The following ARHGEF38 variants were observed in gnomAD, a reference collection of about 807,000 sequenced individuals.
ARHGEF38 encodes the protein Rho guanine nucleotide exchange factor (GEF) 38.
A neutral mutation model predicts 79.9 loss-of-function variants in ARHGEF38; 79 were observed. That is an observed-to-expected ratio of 0.99 (90% confidence interval 0.82 to 1.19). The LOEUF (loss-of-function observed/expected upper bound fraction) is 1.19, where lower values mean the gene tolerates loss of function less well. Among genes scored for constraint, ARHGEF38 ranks in the 50% most tolerant of loss-of-function variants. The probability of loss-of-function intolerance (pLI) is 0.00; values close to 1 mark genes in which losing one functional copy is unlikely to be tolerated. For missense variants in ARHGEF38, 962 were observed against 907.2 expected, an observed-to-expected ratio of 1.06 and a Z score of -0.78; for synonymous variants, 366 against 328.3, an observed-to-expected ratio of 1.11 and a Z score of -1.24.
At chr4:105,597,376 G>C (rs938301405) in intron 2 of ARHGEF38, among the ~76,000 whole-genome samples, 3 of 152,168 alleles carry the variant, frequency 2.0e-5, no homozygotes, top group Admixed American at 6.5e-5. Context: ...GTTTTCTCCA[G>C]CTGTCACCTT....
chr4:105,579,894 T>C (rs530947913), intron 1 of ARHGEF38, among the ~76,000 whole-genome samples: 1 of 152,312 alleles, frequency 6.6e-6, no homozygotes, highest in African/African-American at 2.4e-5. Context: ...TATTTACTAC[T>C]TACTCAGTTT....
intron 5 of ARHGEF38, among the ~76,000 whole-genome samples, chr4:105,637,252 G>A (rs1729435437): frequency 6.6e-6 from 1 of 152,024 alleles, no homozygotes; most frequent in African/African-American, 2.4e-5. Context: ...TTCATATTTT[G>A]GTGCAGAGCA....
intron 9 of ARHGEF38, among the ~76,000 whole-genome samples, chr4:105,657,386 T>C (rs1426070884): frequency 6.6e-6 from 1 of 152,150 alleles, no homozygotes; most frequent in African/African-American, 2.4e-5. Context: ...TAAAAGTAAC[T>C]TTTATGGATA....
intron 2 of ARHGEF38, among the ~76,000 whole-genome samples, chr4:105,603,610 G>C (rs764886349): frequency 6.6e-6 from 1 of 152,006 alleles, no homozygotes; most frequent in Non-Finnish European, 1.5e-5. Context: ...ACTCTTTCCT[G>C]AGCCCCGAGG....
At chr4:105,645,919 A>C (rs1315384079) in intron 6 of ARHGEF38, among the ~76,000 whole-genome samples, 3 of 152,214 alleles carry the variant, frequency 2.0e-5, no homozygotes, top group African/African-American at 7.2e-5. Context: ...ATTGTTAACT[A>C]TTTGTAAGCT....
chr4:105,586,069 A>AGCT (rs1727031614), intron 1 of ARHGEF38, among the ~76,000 whole-genome samples: 1 of 152,052 alleles, frequency 6.6e-6, no homozygotes, highest in Admixed American at 6.6e-5. Context: ...GACGGGCTAT[A>AGCT]GCTGACTGCT....
At position 105,677,867 on chromosome 4, in the gene ARHGEF38, G is replaced by T. The variant is rs1444219340; in HGVS notation, c.2264G>T (p.Trp755Leu). The T allele has an allele frequency of 2.0e-6, 3 of 1,535,014 alleles. No homozygotes were observed. The South Asian group carries it at 3.6e-5, about 18-fold the overall frequency. ...FCDLSGNKEW[W>L]LAEAQGQKGY... ...GACCTAAGTGGCAATAAAGAGTGGT[G>T]GTTAGCTGAAGCTCAAGGGCAGAAA... Residue 755 changes from tryptophan to leucine, a missense_variant, in exon 14 of 14, where the codon TGG becomes TTG. Trp to Leu is a moderately conservative substitution (Grantham distance 61). Transcript: ENST00000420470.
At chr4:105,658,706 G>A (rs1233194882) in intron 9 of ARHGEF38, among the ~76,000 whole-genome samples, 2 of 152,192 alleles carry the variant, frequency 1.3e-5, no homozygotes, top group East Asian at 3.9e-4. Context: ...CTGGCTCTGG[G>A]ATGAGAAAGG....
At chr4:105,669,203 GT>G (rs1296850449) in intron 13 of ARHGEF38, among the ~76,000 whole-genome samples, 1 of 151,828 alleles carries the variant, frequency 6.6e-6, no homozygotes, top group Non-Finnish European at 1.5e-5. Flanking sequence ...GGTATATAGG[GT>G]TTTTTTCCAT....
chr4:105,608,722 G>A (rs951640772), intron 2 of ARHGEF38, among the ~76,000 whole-genome samples: 1 of 151,426 alleles, frequency 6.6e-6, no homozygotes, highest in Admixed American at 6.6e-5. Context: ...TTTATTTTAA[G>A]TTCATGGGTA....
intron 6 of ARHGEF38, 28 bp from the exon 7 acceptor site, chr4:105,648,521 G>A (rs920447796): frequency 6.1e-6 from 9 of 1,475,288 alleles, no homozygotes; most frequent in Non-Finnish European, 8.0e-6. Flanking sequence ...CATGTGTTCA[G>A]CTACGTTATT....
chr4:105,676,847 ATAT>A (rs1267174942), intron 13 of ARHGEF38, among the ~76,000 whole-genome samples: 3 of 152,178 alleles, frequency 2.0e-5, no homozygotes, highest in Non-Finnish European at 4.4e-5. Context: ...AGAAACAATA[ATAT>A]TAGACTTATA....
intron 7 of ARHGEF38, among the ~76,000 whole-genome samples, chr4:105,650,653 T>C (rs1730062569): frequency 6.6e-6 from 1 of 152,238 alleles, no homozygotes. Context: ...CTCCTCTCTC[T>C]GGGACCTGTG....
intron 10 of ARHGEF38, 101 bp downstream of exon 10, chr4:105,659,466 C>T (rs561333151): frequency 1.2e-5 from 14 of 1,140,166 alleles, no homozygotes; most frequent in East Asian, 2.6e-5. Flanking sequence ...ACATGTATGC[C>T]GTGTGGTGTG....
In ARHGEF38 at chr4:105,557,667, G is replaced by C. The variant is rs570414901; in HGVS notation, c.196+4706G>C. ...TCTCAGCCATGTCAGGATACAAGAA[G>C]GTGGCCATGTGCAAACCAGGGAGTG... On this transcript the variant is annotated intron_variant, in intron 1 of 13. Transcript: ENST00000420470. Among the ~76,000 whole-genome samples, 19 of 151,672 alleles carry C rather than the reference G, an allele frequency of 1.3e-4. No individual in the cohort carries two copies. In the East Asian group the frequency reaches 3.5e-3, roughly 28 times the overall value.
intron 1 of ARHGEF38, among the ~76,000 whole-genome samples, chr4:105,580,367 C>T (rs1578274342): frequency 6.6e-6 from 1 of 152,112 alleles, no homozygotes; most frequent in Admixed American, 6.5e-5. Context: ...TATATATTTC[C>T]CTCTTAACAC....
intron 13 of ARHGEF38, among the ~76,000 whole-genome samples, chr4:105,670,237 G>T (rs1578366703): frequency 6.6e-6 from 1 of 152,144 alleles, no homozygotes; most frequent in Non-Finnish European, 1.5e-5. Flanking sequence ...CACCATTTTA[G>T]ATTCCTACCA....
chr4:105,666,142 G>C, intron 10 of ARHGEF38, 35 bp from the exon 11 acceptor site: 1 of 1,490,418 alleles, frequency 6.7e-7, no homozygotes, highest in Non-Finnish European at 8.9e-7. Context: ...TTATCTAGGT[G>C]TCTGGAAACA....
chr4:105,603,768 C>G (rs187564397), intron 2 of ARHGEF38, among the ~76,000 whole-genome samples: 4 of 152,232 alleles, frequency 2.6e-5, no homozygotes, highest in Non-Finnish European at 5.9e-5. Context: ...TGTGGGAGTA[C>G]AGATTCATCC....
Sources: gnomAD v4.1 joint callset for allele counts (sites outside exome capture counted in the v4.1 genomes callset) on GRCh38, gnomAD v4.1.1 for gene constraint, MANE v1.5 for transcripts, NCBI Gene and HGNC (gene_info 2026-07-23, HGNC 2026-07-21) for gene names.